The following TTC39B variants were observed in gnomAD, a reference collection of about 807,000 sequenced individuals.
The protein encoded by TTC39B is tetratricopeptide repeat domain 39B, also known as tetratricopeptide repeat protein 39B.
In TTC39B, 92 loss-of-function variants were observed where a neutral mutation model predicts 96.6. The ratio of observed to expected loss-of-function variants is 0.95; its 90% CI spans 0.80 to 1.13. TTC39B has a LOEUF of 1.13. Ranked by LOEUF, TTC39B falls within the 50% of genes most tolerant of loss-of-function variation. TTC39B has a pLI of 0.00. For synonymous variants in TTC39B, 367 were observed against 299.4 expected, an observed-to-expected ratio of 1.23 and a Z score of -2.33; for missense variants, 955 against 809.3, an observed-to-expected ratio of 1.18 and a Z score of -2.18.
intron 1 of TTC39B, among the ~76,000 whole-genome samples, chr9:15,303,400 G>A (rs114225602): frequency 0.019 from 2,820 of 145,010 alleles, 92 homozygotes; most frequent in African/African-American, 0.067. Flanking sequence ...TTTTTGAAAC[G>A]GGGTCTGTCA....
intron 2 of TTC39B, among the ~76,000 whole-genome samples, chr9:15,230,757 G>T (rs1821376123): frequency 6.6e-6 from 1 of 152,134 alleles, no homozygotes; most frequent in South Asian, 2.1e-4. Context: ...GGCCGAGGAG[G>T]GCAGATCACT....
At position 15,260,534 on chromosome 9, in the gene TTC39B, G is replaced by A. The variant is rs759202856; in HGVS notation, c.275+7380C>T. The stretch of plus-strand genomic sequence containing the variant: ...TTAACCACTCTGAAGAAAAATATCA[G>A]ATGTTTTCCAACTATCATTCACCGA... On this transcript the variant is annotated intron_variant, in intron 2 of 19. Coordinates refer to ENST00000512701, the Ensembl canonical transcript of TTC39B. Among the ~76,000 whole-genome samples the A allele has an allele frequency of 4.5e-4, 68 of 151,832 alleles. 1 individual carries two copies. Among genetic ancestry groups the A allele is most frequent in the Admixed American group, 4.4e-3 (67 of 15,256 alleles).
chr9:15,244,178 T>C (rs1369007928), intron 2 of TTC39B, among the ~76,000 whole-genome samples: 4 of 152,262 alleles, frequency 2.6e-5, no homozygotes, highest in Admixed American at 1.3e-4. Flanking sequence ...ATTTTGCTAG[T>C]TTTCTTTGCT....
At chr9:15,210,387 G>A (rs988363882) in intron 5 of TTC39B, among the ~76,000 whole-genome samples, 1 of 152,216 alleles carries the variant, frequency 6.6e-6, no homozygotes, top group Admixed American at 6.5e-5. Flanking sequence ...TGAACACCAC[G>A]TGGGGAAACC....
chr9:15,269,758 G>A (rs1253481947), intron 1 of TTC39B, among the ~76,000 whole-genome samples: 1 of 151,762 alleles, frequency 6.6e-6, no homozygotes, highest in African/African-American at 2.4e-5. Flanking sequence ...GGGAGGCTGA[G>A]GCAGGATAAT....
chr9:15,191,126 C>A (rs1818832401), intron 10 of TTC39B, 64 bp downstream of exon 10: 1 of 1,153,792 alleles, frequency 8.7e-7, no homozygotes, highest in Admixed American at 1.9e-5. Context: ...GTTGCATTGC[C>A]CTCATGTTCA....
intron 3 of TTC39B, among the ~76,000 whole-genome samples, chr9:15,222,963 A>G (rs1820929013): frequency 6.6e-6 from 1 of 152,210 alleles, no homozygotes; most frequent in African/African-American, 2.4e-5. Context: ...AAGTGATGAC[A>G]AAGCTCTGGC....
chr9:15,184,516 C>T (rs937660003), intron 16 of TTC39B, among the ~76,000 whole-genome samples: 2 of 151,438 alleles, frequency 1.3e-5, no homozygotes, highest in Admixed American at 1.3e-4. Flanking sequence ...TATATAAAAA[C>T]TAAAGCACCA....
chr9:15,185,226 G>A, intron 16 of TTC39B, 54 bp downstream of exon 16: 1 of 1,558,344 alleles, frequency 6.4e-7, no homozygotes, highest in Non-Finnish European at 8.6e-7. Context: ...GCTCCCTGCT[G>A]CTGTGAGTAG....
rs557582488 is a variant in TTC39B, at chr9:15,241,024, A to AG, written c.276-15013dup. On this transcript the variant is annotated intron_variant, in intron 2 of 19. Transcript: ENST00000512701. ...CCTTATTGAAGGAATCAGCCCTCAT[A>AG]GGAAGCTAAGAGATGGCGCTCTCAC... 5.3e-5 allele frequency among the ~76,000 whole-genome samples: 8 copies of AG among 152,320 alleles called. No homozygotes were observed. In the South Asian group the frequency reaches 1.7e-3, roughly 32 times the overall value.
chr9:15,270,024 C>A (rs1392491266), intron 1 of TTC39B, among the ~76,000 whole-genome samples: 2 of 152,030 alleles, frequency 1.3e-5, no homozygotes, highest in Admixed American at 6.6e-5. Context: ...CAAAAATTAG[C>A]CAGGCATGGT....
chr9:15,265,147 G>T (rs1261709032), intron 2 of TTC39B, among the ~76,000 whole-genome samples: 1 of 152,144 alleles, frequency 6.6e-6, no homozygotes, highest in East Asian at 1.9e-4. Flanking sequence ...CTTCAGCTGG[G>T]TTGAATTTAG....
chr9:15,296,141 G>C (rs1011062334), intron 1 of TTC39B, among the ~76,000 whole-genome samples: 1 of 152,198 alleles, frequency 6.6e-6, no homozygotes, highest in Non-Finnish European at 1.5e-5. Flanking sequence ...AAAAAAGGAG[G>C]ACCAAGCATT....
chr9:15,192,257 A>C (rs1818901501), intron 9 of TTC39B, among the ~76,000 whole-genome samples: 1 of 152,184 alleles, frequency 6.6e-6, no homozygotes, highest in African/African-American at 2.4e-5. Context: ...GGTCCCTCAC[A>C]CATTTTCAAT....
At chr9:15,194,544 C>T (rs1469351951) in intron 8 of TTC39B, among the ~76,000 whole-genome samples, 1 of 152,110 alleles carries the variant, frequency 6.6e-6, no homozygotes, top group African/African-American at 2.4e-5. Flanking sequence ...TAAAGGCATA[C>T]CTTGTTTTAC....
chr9:15,252,621 G>T (rs1046798056), intron 2 of TTC39B, among the ~76,000 whole-genome samples: 1 of 151,898 alleles, frequency 6.6e-6, no homozygotes, highest in Non-Finnish European at 1.5e-5. Context: ...GCACTCCAGC[G>T]TGGGCAACAA....
intron 6 of TTC39B, among the ~76,000 whole-genome samples, chr9:15,209,613 T>A (rs1470267502): frequency 6.6e-6 from 1 of 152,220 alleles, no homozygotes; most frequent in Non-Finnish European, 1.5e-5. Flanking sequence ...ATCTATCTTA[T>A]GAAATAACTT....
exon 6 of TTC39B, chr9:15,210,122 A>C (rs748498134): frequency 1.4e-5 from 23 of 1,607,826 alleles, no homozygotes; most frequent in Non-Finnish European, 1.4e-5. Flanking sequence ...CTCTAGAAAG[A>C]AGACTTGAGA....
At chr9:15,225,822 A>G in intron 3 of TTC39B, 95 bp downstream of exon 3, 1 of 1,153,148 alleles carries the variant, frequency 8.7e-7, no homozygotes, top group Admixed American at 2.2e-5. Context: ...TGGTTTGTCA[A>G]ACGCAATGCA....
Sources: gnomAD v4.1 joint callset for allele counts (sites outside exome capture counted in the v4.1 genomes callset) on GRCh38, gnomAD v4.1.1 for gene constraint, MANE v1.5 for transcripts, NCBI Gene and HGNC (gene_info 2026-07-23, HGNC 2026-07-21) for gene names.